Variants in CA6 observed in about 807,000 individuals in gnomAD.
CA6 encodes the protein carbonic anhydrase 6, also known as carbonate dehydratase VI.
A neutral mutation model predicts 35.9 loss-of-function variants in CA6; 28 were observed. That is an observed-to-expected ratio of 0.78 (90% confidence interval 0.58 to 1.07). The LOEUF is 1.07. Among genes scored for constraint, CA6 ranks in the 50% least tolerant of loss-of-function variants. The pLI, the probability that CA6 is intolerant of heterozygous loss-of-function variation, is 0.00. For missense variants in CA6, 377 were observed against 382.0 expected (o/e 0.99, Z 0.11); for synonymous variants, 148 against 152.6 (o/e 0.97, Z 0.22).
intron 2 of CA6, chr1:8,951,979 C>CTTAGTCTCCCGAGTAAATGGGATTA (rs2124240917): frequency 6.2e-6 from 1 of 161,990 alleles, no homozygotes; most frequent in South Asian, 1.9e-4. Flanking sequence ...GCCACCACGC[C>CTTAGTCTCCCGAGTAAATGGGATTA]CAGCTAATTT....
intron 2 of CA6, among the ~76,000 whole-genome samples, chr1:8,953,206 G>A (rs992968594): frequency 6.6e-6 from 1 of 152,134 alleles, no homozygotes; most frequent in South Asian, 2.1e-4. Flanking sequence ...TTCATGGCTT[G>A]ATAGCTCATT....
chr1:8,946,483 A>G (rs1639367104), intron 1 of CA6, among the ~76,000 whole-genome samples: 1 of 152,170 alleles, frequency 6.6e-6, no homozygotes, highest in Non-Finnish European at 1.5e-5. Context: ...TAAGGAAAAG[A>G]AGGAAATAGC....
chr1:8,974,782 A>C lies in CA6; in HGVS notation c.*78A>C. 1 of 781,724 alleles carries C rather than the reference A, an allele frequency of 1.3e-6. No homozygotes were observed. 48.4% of individuals were successfully genotyped at this position (781,724 alleles called of 1,614,324 possible). A position where few individuals can be genotyped will look rare whatever the true frequency, so the allele number is the denominator to read the frequency against. ...AGAAGTGCCTGTCCGCTGCAGCCGC[A>C]CCCTACCTTGTCTAAGAAACCATGT... On this transcript the variant is annotated 3_prime_UTR_variant, in exon 8 of 8. Coordinates refer to ENST00000377443, the MANE Select transcript of CA6 (RefSeq NM_001215.4).
intron 4 of CA6, among the ~76,000 whole-genome samples, chr1:8,960,911 A>C (rs796083292): frequency 2.6e-5 from 4 of 152,270 alleles, no homozygotes; most frequent in African/African-American, 9.6e-5. Context: ...TTATCAATCC[A>C]AGAAACTAAA....
At chr1:8,972,355 C>G (rs933554529) in intron 7 of CA6, among the ~76,000 whole-genome samples, 1 of 151,988 alleles carries the variant, frequency 6.6e-6, no homozygotes, top group African/African-American at 2.4e-5. Flanking sequence ...TCGGCCTTAT[C>G]CCATCTTTAT....
chr1:8,966,376 CT>C (rs1553163561), intron 5 of CA6, among the ~76,000 whole-genome samples: 1 of 152,118 alleles, frequency 6.6e-6, no homozygotes, highest in Non-Finnish European at 1.5e-5. Context: ...TCCCAAAGTG[CT>C]GGGATTACAG....
Position 8,945,898 on chromosome 1 carries a change from G to T in CA6, c.12G>T (p.Leu4=), listed in dbSNP as rs1639349387. The change falls in exon 1 of 8, where the codon CTG becomes CTT. Residue 4 remains leucine (L), a synonymous_variant. Coordinates refer to ENST00000377443, the MANE Select transcript of CA6 (RefSeq NM_001215.4). MRA[L]VLLLSLFLLG... is the part of the protein sequence containing the mutation. Reference sequence around the variant, plus strand: ...AGATGTGCAGCACCATGAGGGCCCTGGTGCTTCTGCTGTCCCTGTTCCTGC... The same window carrying T: ...AGATGTGCAGCACCATGAGGGCCCTTGTGCTTCTGCTGTCCCTGTTCCTGC... The T allele has an allele frequency of 6.2e-7, 1 of 1,612,952 alleles. No individual in the cohort carries two copies. Among genetic ancestry groups the T allele is most frequent in the Non-Finnish European group, 8.5e-7 (1 of 1,179,010 alleles).
Position 8,949,410 on chromosome 1 carries a change from G to T in CA6, c.227G>T (p.Gly76Val). ...ATGACAGGCTATGAGACCCAGGCAG[G>T]GGAGTTCCCCATGGTCAACAATGGC... ...LNMTGYETQA[G>V]EFPMVNNGHT... The change falls in exon 2 of 8, where the codon GGG becomes GTG. Residue 76 changes from glycine to valine, a missense_variant. Physicochemically the swap from Gly to Val is moderately radical, Grantham distance 109. Coordinates refer to ENST00000377443, the MANE Select transcript of CA6 (RefSeq NM_001215.4). 1 of 1,613,310 alleles carries T rather than the reference G, an allele frequency of 6.2e-7. No individual in the cohort carries two copies. Among genetic ancestry groups the T allele is most frequent in the Non-Finnish European group, 8.5e-7 (1 of 1,179,632 alleles).
chr1:8,973,290 A>G (rs1640155624), intron 7 of CA6, among the ~76,000 whole-genome samples: 1 of 152,170 alleles, frequency 6.6e-6, no homozygotes, highest in Admixed American at 6.6e-5. Context: ...AATTGCTGGG[A>G]TTACAGGTGT....
intron 1 of CA6, 62 bp from the exon 2 acceptor site, chr1:8,949,201 T>G: frequency 3.0e-6 from 4 of 1,343,290 alleles, no homozygotes; most frequent in Non-Finnish European, 2.0e-6. Context: ...TCTGGCCTGG[T>G]GAGGTTCCTC....
At chr1:8,949,827 T>A (rs960363078) in intron 2 of CA6, among the ~76,000 whole-genome samples, 3 of 152,012 alleles carry the variant, frequency 2.0e-5, no homozygotes, top group African/African-American at 7.3e-5. Flanking sequence ...TCTATTCAGC[T>A]CAAAGCACCT....
intron 1 of CA6, 115 bp from the exon 2 acceptor site, chr1:8,949,148 G>T: frequency 1.5e-6 from 1 of 682,826 alleles, no homozygotes; most frequent in Non-Finnish European, 2.3e-6. Flanking sequence ...TTTCTGGAAG[G>T]TGCCTCCGTG....
intron 5 of CA6, among the ~76,000 whole-genome samples, chr1:8,966,898 C>A (rs934291089): frequency 4.0e-5 from 6 of 151,892 alleles, no homozygotes; most frequent in Non-Finnish European, 8.8e-5. Context: ...TGGTTTCCAG[C>A]GGTTGTGGCA....
At chr1:8,966,524 A>G (rs1379920515) in intron 5 of CA6, among the ~76,000 whole-genome samples, 3 of 152,200 alleles carry the variant, frequency 2.0e-5, no homozygotes, top group Non-Finnish European at 4.4e-5. Context: ...AATCTCTACC[A>G]CAGAGCCCTT....
intron 2 of CA6, among the ~76,000 whole-genome samples, chr1:8,954,108 G>T (rs893492294): frequency 6.6e-6 from 1 of 151,916 alleles, no homozygotes; most frequent in African/African-American, 2.4e-5. Context: ...CCATAAAAAC[G>T]GGCAACCAGC....
chr1:8,960,806 T>G (rs1200420764), intron 4 of CA6, among the ~76,000 whole-genome samples: 6 of 71,844 alleles, frequency 8.4e-5, no homozygotes, highest in African/African-American at 1.3e-4. Context: ...ATAATGGGAG[T>G]CCCAGAAGGA....
At chr1:8,964,950 C>T (rs1360965137) in intron 5 of CA6, among the ~76,000 whole-genome samples, 1 of 152,100 alleles carries the variant, frequency 6.6e-6, no homozygotes, top group East Asian at 1.9e-4. Flanking sequence ...TGAATTAAAA[C>T]TTACCACTTA....
intron 6 of CA6, 92 bp downstream of exon 6, chr1:8,967,908 A>C: frequency 8.7e-7 from 1 of 1,149,998 alleles, no homozygotes; most frequent in Non-Finnish European, 1.3e-6. Flanking sequence ...GTCAACAACT[A>C]AGGGGTCCTA....
Position 8,974,605 on chromosome 1 carries a change from A to G in CA6, c.845-17A>G, listed in dbSNP as rs766232011. On this transcript the variant is annotated splice_polypyrimidine_tract_variant and intron_variant, in intron 7 of 7. Transcript: ENST00000377443. ...GTACAAGGTTTAACCATTTCCGACT[A>G]ACTCTTCTTTTTACAGAATACACTC... 5.7e-6 allele frequency: 9 copies of G among 1,576,808 alleles called. No individual in the cohort carries two copies. In the East Asian group the frequency reaches 1.3e-4, roughly 24 times the overall value.
Sources: gnomAD v4.1 joint callset for allele counts (sites outside exome capture counted in the v4.1 genomes callset) on GRCh38, gnomAD v4.1.1 for gene constraint, MANE v1.5 for transcripts, NCBI Gene and HGNC (gene_info 2026-07-23, HGNC 2026-07-21) for gene names.